The following CAMK2B variants were observed in gnomAD, a reference collection of about 807,000 sequenced individuals.
CAMK2B encodes the protein calcium/calmodulin-dependent protein kinase type II subunit beta.
A neutral mutation model predicts 93.7 loss-of-function variants in CAMK2B; 27 were observed. The observed-to-expected ratio is 0.29, with a 90% CI of 0.21 to 0.40. CAMK2B has a LOEUF of 0.40. CAMK2B is among the 10% of genes least tolerant of loss of function. CAMK2B has a pLI of 1.00. For missense variants in CAMK2B, 568 were observed against 895.8 expected (o/e 0.63, Z 4.67); for synonymous variants, 374 against 358.8 (o/e 1.04, Z -0.48).
chr7:44,229,237 C>T (rs1456026630), intron 18 of CAMK2B, 151 bp downstream of exon 18: 3 of 627,334 alleles, frequency 4.8e-6, no homozygotes, highest in African/African-American at 3.7e-5. Context: ...TGGGCTGGGG[C>T]CACCCTGGAA....
Position 44,234,818 on chromosome 7 carries a change from C to G in CAMK2B, c.1022-142G>C, listed in dbSNP as rs2096610748. The G allele has an allele frequency of 2.0e-5, 17 of 866,496 alleles. 1 individual carries two copies. The South Asian group carries it at 2.3e-4, about 12-fold the overall frequency. 53.7% of individuals were successfully genotyped at this position (866,496 alleles called of 1,614,324 possible). On this transcript the variant is annotated intron_variant, in intron 13 of 23. Transcript: ENST00000395749. ...GGCAAGTGTGGTTCCAGCACCCAGG[C>G]TGGCTCTGAGCAGGTGGGGGGGCCA...
At chr7:44,272,717 GAGCCC>G (rs2096986238) in intron 2 of CAMK2B, among the ~76,000 whole-genome samples, 2 of 152,206 alleles carry the variant, frequency 1.3e-5, no homozygotes, top group Non-Finnish European at 2.9e-5. Flanking sequence ...GCCATTCTGG[GAGCCC>G]AGGCCAGGCC....
At chr7:44,277,744 C>G (rs1053629528) in intron 2 of CAMK2B, among the ~76,000 whole-genome samples, 8 of 151,658 alleles carry the variant, frequency 5.3e-5, no homozygotes, top group Non-Finnish European at 1.0e-4. Context: ...CCCTCCCCAT[C>G]CCCCACCTCC....
chr7:44,270,630 G>A (rs898313111), intron 2 of CAMK2B, among the ~76,000 whole-genome samples: 3 of 152,334 alleles, frequency 2.0e-5, no homozygotes, highest in Admixed American at 6.5e-5. Context: ...AATCCCACTC[G>A]GGGGCCTCAG....
At chr7:44,223,118 A>G (rs2096432539) in intron 20 of CAMK2B, among the ~76,000 whole-genome samples, 1 of 151,858 alleles carries the variant, frequency 6.6e-6, no homozygotes, top group African/African-American at 2.4e-5. Context: ...TGTGTAGATG[A>G]AGCTCATACA....
At chr7:44,252,381 C>T (rs1242270571) in intron 5 of CAMK2B, among the ~76,000 whole-genome samples, 1 of 151,692 alleles carries the variant, frequency 6.6e-6, no homozygotes, top group Non-Finnish European at 1.5e-5. Context: ...GAGGGATCCA[C>T]AGGAGCAGAG....
In CAMK2B at chr7:44,314,425, C is replaced by T. The variant is rs568801601; in HGVS notation, c.65+10932G>A. Among the ~76,000 whole-genome samples the T allele has an allele frequency of 2.6e-5, 4 of 152,324 alleles. No individual in the cohort carries two copies. The East Asian group carries it at 5.8e-4, about 22-fold the overall frequency. Reference sequence around the variant, plus strand: ...CACTGAGCATGACGTTTTGAACGTTCGTCCACATTTCAGCATGTGTCGGTG... The same window carrying T: ...CACTGAGCATGACGTTTTGAACGTTTGTCCACATTTCAGCATGTGTCGGTG... On this transcript the variant is annotated intron_variant, in intron 1 of 23. Coordinates refer to ENST00000395749, the MANE Select transcript of CAMK2B (RefSeq NM_001220.5).
intron 20 of CAMK2B, among the ~76,000 whole-genome samples, chr7:44,223,543 C>T (rs1320373072): frequency 6.6e-6 from 1 of 152,126 alleles, no homozygotes; most frequent in Non-Finnish European, 1.5e-5. Context: ...GTGGCTGTTC[C>T]TGTCCTTGCC....
At chr7:44,237,529 C>T (rs2096637644) in intron 13 of CAMK2B, among the ~76,000 whole-genome samples, 1 of 152,224 alleles carries the variant, frequency 6.6e-6, no homozygotes, top group East Asian at 1.9e-4. Flanking sequence ...TTGTGCACGC[C>T]TTGGGCGCAG....
At chr7:44,275,812 A>G (rs1444895112) in intron 2 of CAMK2B, among the ~76,000 whole-genome samples, 7 of 152,098 alleles carry the variant, frequency 4.6e-5, no homozygotes, top group Admixed American at 2.0e-4. Context: ...CCTGCCTCCC[A>G]GCTCCCCTAA....
intron 2 of CAMK2B, among the ~76,000 whole-genome samples, chr7:44,275,979 A>G (rs1345406895): frequency 1.3e-5 from 2 of 152,174 alleles, no homozygotes; most frequent in African/African-American, 4.8e-5. Context: ...GAGCAAACTT[A>G]AAGGCAGAGT....
chr7:44,233,500 G>A (rs1420055932), intron 15 of CAMK2B, among the ~76,000 whole-genome samples: 1 of 152,138 alleles, frequency 6.6e-6, no homozygotes, highest in Non-Finnish European at 1.5e-5. Flanking sequence ...GTCTGGGGCT[G>A]GCTCCCGAAG....
Position 44,240,879 on chromosome 7 carries a change from C to A in CAMK2B, c.904-130G>T. ...TGTCATGAGGCTGACATGACCTCAG[C>A]CTTCCAGAGAGGCAAGAGCTCCAGG... is the stretch of plus-strand genomic sequence containing the variant. On this transcript the variant is annotated intron_variant, in intron 11 of 23. Coordinates refer to ENST00000395749, the MANE Select transcript of CAMK2B (RefSeq NM_001220.5). 3.2e-6 allele frequency: 3 copies of A among 940,476 alleles called. No individual in the cohort carries two copies. In the South Asian group the frequency reaches 4.6e-5, roughly 14 times the overall value. The allele number at this position is 940,476 out of a possible 1,614,324, so 58.3% of individuals were successfully genotyped here.
At chr7:44,313,056 T>G (rs964762791) in intron 1 of CAMK2B, among the ~76,000 whole-genome samples, 2 of 151,970 alleles carry the variant, frequency 1.3e-5, no homozygotes, top group Non-Finnish European at 2.9e-5. Flanking sequence ...CTGGTGCGCT[T>G]CCTCAGCAGC....
Position 44,226,497 on chromosome 7 carries a change from C to T in CAMK2B, c.1597+19G>A. The stretch of plus-strand genomic sequence containing the variant: ...CCCTCCGGGCAGCCGCTGCCACGGC[C>T]ACTCAAGGTGCTACTTACATGGGGT... On this transcript the variant is annotated intron_variant, in intron 20 of 23. Transcript: ENST00000395749. The T allele has an allele frequency of 7.2e-7, 1 of 1,396,312 alleles. No individual in the cohort carries two copies. Among genetic ancestry groups the T allele is most frequent in the Non-Finnish European group, 9.3e-7 (1 of 1,072,776 alleles). 86.5% of individuals were successfully genotyped at this position (1,396,312 alleles called of 1,614,324 possible). A position where few individuals can be genotyped will look rare whatever the true frequency, so the allele number is the denominator to read the frequency against.
At chr7:44,255,822 T>A (rs762171799) in intron 4 of CAMK2B, among the ~76,000 whole-genome samples, 2 of 152,126 alleles carry the variant, frequency 1.3e-5, no homozygotes, top group Non-Finnish European at 2.9e-5. Flanking sequence ...TGAGCATGTG[T>A]TGAATGTCGG....
rs202048196 is a variant in CAMK2B, at chr7:44,226,693, C to A, written c.1469-49G>T. ...GAACACAAGGCAGGCACGGGGGGCA[C>A]GCAGGAGAGAAACCATGGGCAGACA... On this transcript the variant is annotated intron_variant, in intron 19 of 23. Coordinates refer to ENST00000395749, the MANE Select transcript of CAMK2B (RefSeq NM_001220.5). 11 of 1,464,338 alleles carry A rather than the reference C, an allele frequency of 7.5e-6. No homozygotes were observed. The Middle Eastern group carries it at 8.8e-4, about 118-fold the overall frequency. 90.7% of individuals were successfully genotyped at this position (1,464,338 alleles called of 1,614,324 possible). A position where few individuals can be genotyped will look rare whatever the true frequency, so the allele number is the denominator to read the frequency against.
intron 1 of CAMK2B, among the ~76,000 whole-genome samples, chr7:44,297,501 T>A (rs1788612903): frequency 1.3e-5 from 2 of 152,182 alleles, no homozygotes; most frequent in Non-Finnish European, 2.9e-5. Flanking sequence ...ATATCAATAA[T>A]CACTTTAAAT....
chr7:44,309,913 G>C (rs886964399), intron 1 of CAMK2B, among the ~76,000 whole-genome samples: 1 of 152,246 alleles, frequency 6.6e-6, no homozygotes, highest in South Asian at 2.1e-4. Flanking sequence ...GGCGGCCCGC[G>C]GGTAGTCACC....
Sources: allele counts gnomAD v4.1 joint callset (sites outside exome capture counted in the v4.1 genomes callset), GRCh38; gene constraint gnomAD v4.1.1; transcripts MANE v1.5; gene names NCBI Gene and HGNC (gene_info 2026-07-23, HGNC 2026-07-21).